The following ADAMTS18 variants were observed in gnomAD, a reference collection of about 807,000 sequenced individuals.
ADAMTS18 encodes ADAM metallopeptidase with thrombospondin type 1 motif 18.
A neutral mutation model predicts 165.9 loss-of-function variants in ADAMTS18; 157 were observed. The ratio of observed to expected loss-of-function variants is 0.95; its 90% CI spans 0.83 to 1.08. The LOEUF is 1.08. ADAMTS18 is among the 50% of genes least tolerant of loss of function. The pLI is 0.00. For missense variants in ADAMTS18, 2,040 were observed against 1,534.0 expected, an observed-to-expected ratio of 1.33 and a Z score of -5.51; for synonymous variants, 782 against 578.2, an observed-to-expected ratio of 1.35 and a Z score of -5.06.
In ADAMTS18 at chr16:77,289,365, C is replaced by G; in HGVS notation, c.3449G>C (p.Cys1150Ser). 1 of 1,614,140 alleles carries G rather than the reference C, an allele frequency of 6.2e-7. No homozygotes were observed. Among genetic ancestry groups the G allele is most frequent in the Non-Finnish European group, 8.5e-7 (1 of 1,180,006 alleles). ...GGGVQTRSVH[C>S]VQQGRPSSSC... ...TGAGGAAGGCCGGCCTTGCTGAACA[C>G]AGTGGACTGACCGGGTCTGGACCCC... is the stretch of plus-strand genomic sequence containing the variant. The change falls in exon 22 of 23, where the codon TGT (cysteine) becomes TCT (serine). Residue 1150 changes from cysteine to serine, a missense_variant. Cys to Ser is a moderately radical substitution (Grantham distance 112). Transcript: ENST00000282849.
chr16:77,406,301 T>G (rs1013191985), intron 3 of ADAMTS18, among the ~76,000 whole-genome samples: 2 of 152,090 alleles, frequency 1.3e-5, no homozygotes, highest in Non-Finnish European at 2.9e-5. Context: ...TAGGTATAAA[T>G]TATTAGAGAA....
chr16:77,399,158 G>A (rs978333120), intron 3 of ADAMTS18, among the ~76,000 whole-genome samples: 3 of 152,158 alleles, frequency 2.0e-5, no homozygotes, highest in Non-Finnish European at 4.4e-5. Flanking sequence ...CTTTACTCAG[G>A]CTTAGAGATG....
intron 3 of ADAMTS18, among the ~76,000 whole-genome samples, chr16:77,378,353 A>AAAAAAAAAC (rs2056983286): frequency 1.2e-4 from 7 of 56,590 alleles, no homozygotes; most frequent in Admixed American, 4.4e-4. Context: ...AAAAAAACAA[A>AAAAAAAAAC]AAAAAAAAAA....
intron 3 of ADAMTS18, among the ~76,000 whole-genome samples, chr16:77,403,166 T>C (rs1293375598): frequency 2.0e-5 from 3 of 152,210 alleles, no homozygotes; most frequent in Non-Finnish European, 4.4e-5. Flanking sequence ...AGAGGTCAAA[T>C]GACTTACCCA....
intron 17 of ADAMTS18, among the ~76,000 whole-genome samples, chr16:77,297,831 T>G (rs1385897922): frequency 1.3e-5 from 2 of 151,848 alleles, no homozygotes; most frequent in Non-Finnish European, 2.9e-5. Flanking sequence ...TATCTCATAC[T>G]TCTTAAGAGC....
chr16:77,344,392 C>T (rs1284615686), intron 10 of ADAMTS18, among the ~76,000 whole-genome samples: 1 of 151,950 alleles, frequency 6.6e-6, no homozygotes, highest in Non-Finnish European at 1.5e-5. Flanking sequence ...CATGAGGCAG[C>T]CTCCCAGCAA....
At chr16:77,284,215 G>A (rs973154146) in intron 22 of ADAMTS18, 144 bp from the exon 23 acceptor site, 25 of 618,102 alleles carry the variant, frequency 4.0e-5, no homozygotes, top group African/African-American at 3.0e-4. Flanking sequence ...AATCTCTGCT[G>A]CCCAGGTTCA....
At chr16:77,322,546 A>G in intron 13 of ADAMTS18, 80 bp from the exon 14 acceptor site, 1 of 1,529,406 alleles carries the variant, frequency 6.5e-7, no homozygotes. Context: ...AGAATGAATT[A>G]AATTTACTTA....
At chr16:77,389,651 C>T (rs1398937335) in intron 3 of ADAMTS18, among the ~76,000 whole-genome samples, 3 of 152,174 alleles carry the variant, frequency 2.0e-5, no homozygotes, top group Non-Finnish European at 4.4e-5. Context: ...CCACTCAAGG[C>T]ACCTGATAAA....
Position 77,434,744 on chromosome 16 carries a change from A to G in ADAMTS18, c.-49T>C, listed in dbSNP as rs780485298. 4 of 1,367,776 alleles carry G rather than the reference A, an allele frequency of 2.9e-6. No individual in the cohort carries two copies. Among genetic ancestry groups the G allele is most frequent in the Non-Finnish European group, 3.8e-6 (4 of 1,056,760 alleles). 84.7% of individuals were successfully genotyped at this position (1,367,776 alleles called of 1,614,324 possible). On this transcript the variant is annotated 5_prime_UTR_variant, in exon 1 of 23. Coordinates refer to ENST00000282849, the MANE Select transcript of ADAMTS18 (RefSeq NM_199355.4). ...GCGGGTGGCCAGACGCGGCAGGCGG[A>G]GCGCACGGGCGGCGCGCATTCTTTC...
intron 8 of ADAMTS18, 75 bp from the exon 9 acceptor site, chr16:77,356,152 A>T (rs1346322000): frequency 1.3e-6 from 2 of 1,593,614 alleles, no homozygotes; most frequent in African/African-American, 2.7e-5. Flanking sequence ...GGAAGAATAA[A>T]GATGTATTGA....
At chr16:77,342,933 A>T (rs1431311393) in intron 10 of ADAMTS18, among the ~76,000 whole-genome samples, 1 of 152,088 alleles carries the variant, frequency 6.6e-6, no homozygotes, top group Non-Finnish European at 1.5e-5. Context: ...ACCTAGGAGA[A>T]TGTTGCTGGC....
At chr16:77,300,214 C>A (rs778379944) in intron 17 of ADAMTS18, 49 bp downstream of exon 17, 2 of 1,610,408 alleles carry the variant, frequency 1.2e-6, no homozygotes, top group Middle Eastern at 3.3e-4. Flanking sequence ...GTGAAAGAAC[C>A]TGTTTTAAGA....
intron 11 of ADAMTS18, among the ~76,000 whole-genome samples, chr16:77,336,789 GT>G (rs2056317678): frequency 6.6e-6 from 1 of 151,960 alleles, no homozygotes; most frequent in Non-Finnish European, 1.5e-5. Context: ...TTTATTTTTT[GT>G]TTTTGTTGCC....
At chr16:77,384,284 A>T (rs1006279979) in intron 3 of ADAMTS18, among the ~76,000 whole-genome samples, 39 of 152,134 alleles carry the variant, frequency 2.6e-4, no homozygotes, top group African/African-American at 9.2e-4. Flanking sequence ...TCCTTTTCCC[A>T]TTTCACCATT....
At chr16:77,402,786 T>G (rs186450596) in intron 3 of ADAMTS18, among the ~76,000 whole-genome samples, 99 of 152,300 alleles carry the variant, frequency 6.5e-4, no homozygotes, top group Middle Eastern at 6.8e-3. Context: ...CTTTACAAAA[T>G]TATTCTAACT....
intron 3 of ADAMTS18, among the ~76,000 whole-genome samples, chr16:77,398,213 A>G (rs563018874): frequency 6.6e-6 from 1 of 152,202 alleles, no homozygotes; most frequent in South Asian, 2.1e-4. Flanking sequence ...GCTGCTTGGG[A>G]GCCTGAGGCA....
chr16:77,394,208 ATGCAGTCTAGTC>A (rs1352741366), intron 3 of ADAMTS18, among the ~76,000 whole-genome samples: 1 of 152,190 alleles, frequency 6.6e-6, no homozygotes, highest in African/African-American at 2.4e-5. Context: ...GGGTTTTTAA[ATGCAGTCTAGTC>A]CATTTAAGTG....
chr16:77,361,729 C>T (rs1341824350), intron 7 of ADAMTS18, among the ~76,000 whole-genome samples: 1 of 151,940 alleles, frequency 6.6e-6, no homozygotes, highest in East Asian at 1.9e-4. Flanking sequence ...ACTAAAAATA[C>T]AAAAATTAGC....
Sources: gnomAD v4.1 joint callset for allele counts (sites outside exome capture counted in the v4.1 genomes callset) on GRCh38, gnomAD v4.1.1 for gene constraint, MANE v1.5 for transcripts, NCBI Gene and HGNC (gene_info 2026-07-23, HGNC 2026-07-21) for gene names.